JARID2: variants seen among roughly 807,000 people sequenced by gnomAD.
JARID2 encodes the protein protein Jumonji.
Under a neutral mutation model 125.6 loss-of-function variants are expected in JARID2, and 21 were observed. The observed-to-expected ratio is 0.17, with a 90% CI of 0.12 to 0.24. The LOEUF is 0.24. JARID2 is among the 10% of genes least tolerant of loss of function. The probability of loss-of-function intolerance (pLI) is 1.00; values close to 1 mark genes in which losing one functional copy is unlikely to be tolerated. For synonymous variants in JARID2, 736 were observed against 661.6 expected (o/e 1.11, Z -1.73); for missense variants, 1,303 against 1,639.6 (o/e 0.79, Z 3.55).
At chr6:15,355,826 GTCTCAAAC>G (rs1763580615) in intron 1 of JARID2, among the ~76,000 whole-genome samples, 1 of 152,220 alleles carries the variant, frequency 6.6e-6, no homozygotes, top group Non-Finnish European at 1.5e-5. Context: ...GGCCAGGCTG[GTCTCAAAC>G]TCCTGACTTC....
intron 3 of JARID2, among the ~76,000 whole-genome samples, chr6:15,445,130 AT>A (rs1767618694): frequency 6.6e-6 from 1 of 152,204 alleles, no homozygotes; most frequent in African/African-American, 2.4e-5. Context: ...TACACTGTTG[AT>A]GACCCCAGAG....
intron 6 of JARID2, among the ~76,000 whole-genome samples, chr6:15,490,139 G>C (rs140501362): frequency 1.8e-4 from 27 of 152,338 alleles, no homozygotes; most frequent in African/African-American, 6.3e-4. Flanking sequence ...AAAGCAAATT[G>C]TAGATTCCCT....
intron 6 of JARID2, among the ~76,000 whole-genome samples, chr6:15,493,875 C>G (rs187300265): frequency 1.4e-4 from 21 of 150,066 alleles, no homozygotes; most frequent in African/African-American, 5.3e-4. Flanking sequence ...TTGTCCTTAC[C>G]CCTGGTTTTA....
At chr6:15,339,542 T>C (rs1762996151) in intron 1 of JARID2, among the ~76,000 whole-genome samples, 1 of 150,618 alleles carries the variant, frequency 6.6e-6, no homozygotes, top group Admixed American at 6.6e-5. Context: ...GCCCTGCTTT[T>C]TTTTTTTTCC....
At position 15,496,497 on chromosome 6, in the gene JARID2, G is replaced by T; in HGVS notation, c.1272G>T (p.Gly424=). The T allele has an allele frequency of 6.2e-7, 1 of 1,608,012 alleles. No homozygotes were observed. Residue 424 remains glycine (G), a synonymous_variant, in exon 7 of 18, where the codon GGG becomes GGT. Coordinates refer to ENST00000341776, the MANE Select transcript of JARID2 (RefSeq NM_004973.4). ...AGTCATGCACTAAGGAGGTGGGGGG[G>T]CGGCAGCTGCGGGAGGGCCTGCAGC... The part of the protein sequence containing the change: ...NPKSCTKEVG[G]RQLREGLQLR...
chr6:15,387,393 A>G (rs1764826912), intron 2 of JARID2, among the ~76,000 whole-genome samples: 1 of 152,160 alleles, frequency 6.6e-6, no homozygotes, highest in African/African-American at 2.4e-5. Flanking sequence ...TGGTGTCTGT[A>G]AGTCCAAGAT....
chr6:15,438,026 C>T (rs1373812864), intron 3 of JARID2, among the ~76,000 whole-genome samples: 1 of 152,122 alleles, frequency 6.6e-6, no homozygotes, highest in Admixed American at 6.5e-5. Flanking sequence ...GGTTTAATGT[C>T]TTGGGGCCTG....
chr6:15,501,513 C>G, intron 8 of JARID2, 104 bp downstream of exon 8: 1 of 1,174,764 alleles, frequency 8.5e-7, no homozygotes, highest in Non-Finnish European at 1.2e-6. Flanking sequence ...CTCTGATTCC[C>G]TGGGGTGATG....
intron 1 of JARID2, among the ~76,000 whole-genome samples, chr6:15,280,088 ACTTT>A (rs1461304489): frequency 1.3e-5 from 2 of 152,094 alleles, no homozygotes; most frequent in African/African-American, 4.8e-5. Flanking sequence ...CCCATTGTCT[ACTTT>A]CTTCTGTCAA....
chr6:15,332,034 A>C (rs982127398), intron 1 of JARID2, among the ~76,000 whole-genome samples: 2 of 152,166 alleles, frequency 1.3e-5, no homozygotes, highest in African/African-American at 4.8e-5. Context: ...TGCTTGATGC[A>C]GGAACTGATG....
chr6:15,451,963 A>G, intron 3 of JARID2, 43 bp from the exon 4 acceptor site: 6 of 1,596,134 alleles, frequency 3.8e-6, no homozygotes, highest in Non-Finnish European at 5.1e-6. Flanking sequence ...TATATCCTCC[A>G]GTCTCTGCTT....
chr6:15,318,876 A>G (rs886130391), intron 1 of JARID2, among the ~76,000 whole-genome samples: 4 of 152,274 alleles, frequency 2.6e-5, no homozygotes, highest in Non-Finnish European at 4.4e-5. Flanking sequence ...AGAGGGCTGG[A>G]GCCAGACAGC....
intron 1 of JARID2, chr6:15,368,765 A>C (rs777083511): frequency 2.1e-6 from 1 of 474,266 alleles, no homozygotes; most frequent in Non-Finnish European, 4.2e-6. Context: ...TTCTGACAGT[A>C]ATACTGGCCG....
intron 2 of JARID2, among the ~76,000 whole-genome samples, chr6:15,407,362 C>T (rs566486786): frequency 2.6e-5 from 4 of 152,130 alleles, no homozygotes; most frequent in Non-Finnish European, 5.9e-5. Context: ...GGGGGTGATT[C>T]GCATGCATGC....
intron 1 of JARID2, among the ~76,000 whole-genome samples, chr6:15,345,135 C>T (rs1763202343): frequency 6.6e-6 from 1 of 152,062 alleles, no homozygotes; most frequent in Non-Finnish European, 1.5e-5. Context: ...AGTATAGTTT[C>T]TTCATTTCTA....
At chr6:15,285,317 G>A (rs568905479) in intron 1 of JARID2, among the ~76,000 whole-genome samples, 67 of 151,874 alleles carry the variant, frequency 4.4e-4, no homozygotes, top group Non-Finnish European at 4.0e-4. Flanking sequence ...TAGAGACTGG[G>A]TTTTACCATG....
chr6:15,446,412 C>G (rs891922803), intron 3 of JARID2, among the ~76,000 whole-genome samples: 9 of 152,208 alleles, frequency 5.9e-5, no homozygotes, highest in Admixed American at 2.0e-4. Flanking sequence ...GCAGAGGCTT[C>G]TGTGCGGGAA....
At chr6:15,426,902 A>G (rs911326661) in intron 3 of JARID2, among the ~76,000 whole-genome samples, 10 of 152,196 alleles carry the variant, frequency 6.6e-5, no homozygotes, top group Admixed American at 2.0e-4. Flanking sequence ...TGTGTTTGTT[A>G]AAGAATTACA....
At chr6:15,499,098 C>G (rs199510203) in intron 7 of JARID2, among the ~76,000 whole-genome samples, 1 of 151,728 alleles carries the variant, frequency 6.6e-6, no homozygotes, top group Non-Finnish European at 1.5e-5. Context: ...TGCTTGTTGC[C>G]GTCACCCAGA....
Sources: allele counts gnomAD v4.1 joint callset (sites outside exome capture counted in the v4.1 genomes callset), GRCh38; gene constraint gnomAD v4.1.1; transcripts MANE v1.5; gene names NCBI Gene and HGNC (gene_info 2026-07-23, HGNC 2026-07-21).